Variants in SGCZ observed in about 807,000 individuals in gnomAD.
SGCZ encodes the protein zeta-sarcoglycan.
A neutral mutation model predicts 41.3 loss-of-function variants in SGCZ; 40 were observed. The observed-to-expected ratio is 0.97, with a 90% CI of 0.75 to 1.26. The LOEUF is 1.26. SGCZ is among the 50% of genes most tolerant of loss of function. The probability of loss-of-function intolerance (pLI) is 0.00; values close to 1 mark genes in which losing one functional copy is unlikely to be tolerated. For missense variants in SGCZ, 552 were observed against 369.8 expected (o/e 1.49, Z -4.04); for synonymous variants, 206 against 137.5 (o/e 1.50, Z -3.49).
chr8:14,261,553 G>A (rs188694505), intron 3 of SGCZ, among the ~76,000 whole-genome samples: 1 of 152,220 alleles, frequency 6.6e-6, no homozygotes, highest in Admixed American at 6.5e-5. Flanking sequence ...TAAGAACAAT[G>A]CAAAACCAGT....
intron 6 of SGCZ, among the ~76,000 whole-genome samples, chr8:14,104,177 T>C (rs1178217790): frequency 6.6e-6 from 1 of 152,234 alleles, no homozygotes; most frequent in Non-Finnish European, 1.5e-5. Context: ...TGTGGATTTC[T>C]ATGTAATTAG....
chr8:14,094,833 T>C (rs1045541542), intron 7 of SGCZ, among the ~76,000 whole-genome samples: 4 of 152,170 alleles, frequency 2.6e-5, no homozygotes, highest in Non-Finnish European at 5.9e-5. Flanking sequence ...CCATTCTAAC[T>C]GGCGTGAGAT....
At chr8:14,844,272 A>G (rs946004941) in intron 1 of SGCZ, among the ~76,000 whole-genome samples, 1 of 152,134 alleles carries the variant, frequency 6.6e-6, no homozygotes, top group Non-Finnish European at 1.5e-5. Context: ...TCACTGTTAT[A>G]TATCTTCTCA....
In SGCZ at chr8:14,090,074, G is replaced by A. The variant is rs764068324; in HGVS notation, c.*369C>T. The stretch of plus-strand genomic sequence containing the variant: ...GGGTTAACCATTTCATCTTGCCATT[G>A]GATACTGGGAATTTCATTTATGTAA... On this transcript the variant is annotated 3_prime_UTR_variant, in exon 8 of 8. Coordinates refer to ENST00000382080, the MANE Select transcript of SGCZ (RefSeq NM_139167.4). The A allele has an allele frequency of 3.7e-5, 6 of 160,566 alleles. No homozygotes were observed. The highest frequency in any genetic ancestry group is 2.7e-5 in the Non-Finnish European group (2 of 73,660). The allele number at this position is 160,566 out of a possible 1,614,324, so 9.9% of individuals were successfully genotyped here.
At chr8:14,102,863 C>T (rs1306053064) in intron 6 of SGCZ, among the ~76,000 whole-genome samples, 1 of 152,030 alleles carries the variant, frequency 6.6e-6, no homozygotes, top group Non-Finnish European at 1.5e-5. Context: ...CAGTATATAA[C>T]TTACTAGTAT....
At position 14,894,394 on chromosome 8, in the gene SGCZ, T is replaced by C. The variant is rs115758992; in HGVS notation, c.40-339468A>G. ...CTGGGCAAAGATAATTGAATGTCAA[T>C]GGTGCAAAGTGAAAGGAAAAGCTTG... On this transcript the variant is annotated intron_variant, in intron 1 of 7. Coordinates refer to ENST00000382080, the MANE Select transcript of SGCZ (RefSeq NM_139167.4). Among the ~76,000 whole-genome samples, 854 of 152,304 alleles carry C rather than the reference T, an allele frequency of 5.6e-3. 10 individuals are homozygous for C. The highest frequency in any genetic ancestry group is 0.019 in the African/African-American group (796 of 41,562).
intron 2 of SGCZ, among the ~76,000 whole-genome samples, chr8:14,338,568 G>A (rs933955271): frequency 1.3e-5 from 2 of 152,006 alleles, no homozygotes; most frequent in African/African-American, 2.4e-5. Context: ...GCTCCCTGAT[G>A]GAATGTTATT....
At chr8:14,115,624 C>T (rs1449279703) in intron 5 of SGCZ, among the ~76,000 whole-genome samples, 3 of 151,940 alleles carry the variant, frequency 2.0e-5, no homozygotes, top group Non-Finnish European at 4.4e-5. Context: ...TGATACTAGT[C>T]TTGGCTCTTT....
chr8:15,116,240 A>G (rs1807263324), intron 1 of SGCZ, among the ~76,000 whole-genome samples: 1 of 152,216 alleles, frequency 6.6e-6, no homozygotes, highest in African/African-American at 2.4e-5. Context: ...AAACAATCAG[A>G]ACCAGAATAT....
chr8:14,468,245 T>C (rs1801107330), intron 2 of SGCZ, among the ~76,000 whole-genome samples: 1 of 151,984 alleles, frequency 6.6e-6, no homozygotes. Context: ...GATTGGGTGA[T>C]AGGCATCAGC....
intron 3 of SGCZ, among the ~76,000 whole-genome samples, chr8:14,321,698 G>A (rs1014913668): frequency 6.6e-6 from 1 of 152,012 alleles, no homozygotes; most frequent in African/African-American, 2.4e-5. Context: ...CAGCTTCACT[G>A]AATCTTCCAA....
rs972408287 is a variant in SGCZ, at chr8:14,816,262, C to T, written c.40-261336G>A. Among the ~76,000 whole-genome samples, 30 of 152,306 alleles carry T rather than the reference C, an allele frequency of 2.0e-4. 1 individual carries two copies. In the South Asian group the frequency reaches 3.5e-3, roughly 18 times the overall value. Reference sequence around the variant, plus strand: ...TATTCGTTTGAGCAGCACAGTTCTACAGCTCTTCAACGTATTTCTGCCTGT... The same window carrying T: ...TATTCGTTTGAGCAGCACAGTTCTATAGCTCTTCAACGTATTTCTGCCTGT... On this transcript the variant is annotated intron_variant, in intron 1 of 7. Coordinates refer to ENST00000382080, the MANE Select transcript of SGCZ (RefSeq NM_139167.4).
At chr8:14,405,281 A>G (rs11997843) in intron 2 of SGCZ, among the ~76,000 whole-genome samples, 23,854 of 152,178 alleles carry the variant, frequency 0.16, 4,305 homozygotes, top group African/African-American at 0.44. Context: ...TGGGATAGTT[A>G]AGCTTTATAT....
intron 5 of SGCZ, among the ~76,000 whole-genome samples, chr8:14,109,044 C>A (rs892901282): frequency 3.3e-5 from 5 of 152,148 alleles, no homozygotes; most frequent in African/African-American, 1.2e-4. Flanking sequence ...AGATGTTTAG[C>A]AGTTCTCACA....
At chr8:14,477,902 T>C (rs553885203) in intron 2 of SGCZ, among the ~76,000 whole-genome samples, 3 of 151,434 alleles carry the variant, frequency 2.0e-5, no homozygotes, top group African/African-American at 7.4e-5. Context: ...TTAACTTTTA[T>C]CTTCTGGAGA....
chr8:14,190,395 C>A (rs1049701525), intron 4 of SGCZ, among the ~76,000 whole-genome samples: 1 of 151,220 alleles, frequency 6.6e-6, no homozygotes, highest in African/African-American at 2.4e-5. Context: ...ATATATATAT[C>A]AATAAAGTGT....
At chr8:14,777,566 A>C (rs1466993375) in intron 1 of SGCZ, among the ~76,000 whole-genome samples, 1 of 152,160 alleles carries the variant, frequency 6.6e-6, no homozygotes, top group Non-Finnish European at 1.5e-5. Context: ...CTTTAATCTC[A>C]TATGTTTTGA....
intron 2 of SGCZ, among the ~76,000 whole-genome samples, chr8:14,451,438 G>T (rs998837470): frequency 5.9e-5 from 9 of 152,060 alleles, no homozygotes; most frequent in Non-Finnish European, 1.2e-4. Context: ...TCTCCTTATA[G>T]TTTACATTTT....
chr8:14,276,809 A>T (rs1800251823), intron 3 of SGCZ, among the ~76,000 whole-genome samples: 2 of 152,134 alleles, frequency 1.3e-5, no homozygotes, highest in Non-Finnish European at 2.9e-5. Context: ...GCCAATTCCC[A>T]CTTCAGCTAT....
Sources: gnomAD v4.1 joint callset for allele counts (sites outside exome capture counted in the v4.1 genomes callset) on GRCh38, gnomAD v4.1.1 for gene constraint, MANE v1.5 for transcripts, NCBI Gene and HGNC (gene_info 2026-07-23, HGNC 2026-07-21) for gene names.